Variants in ZBTB7A observed in about 807,000 individuals in gnomAD.
ZBTB7A encodes the protein zinc finger and BTB domain-containing protein 7A.
Under a neutral mutation model 26.7 loss-of-function variants are expected in ZBTB7A, and 7 were observed. That is an observed-to-expected ratio of 0.26 (90% CI 0.15 to 0.49). The LOEUF (loss-of-function observed/expected upper bound fraction) is 0.49, where lower values mean the gene tolerates loss of function less well. Ranked by LOEUF, ZBTB7A falls within the 20% of genes least tolerant of loss-of-function variation. The pLI is 0.98. For missense variants in ZBTB7A, 617 were observed against 919.5 expected (o/e 0.67, Z 4.25); for synonymous variants, 452 against 441.0 (o/e 1.02, Z -0.31).
rs564659401 is a variant in ZBTB7A, at chr19:4,045,415, G to C, written c.*2337C>G. 6.6e-6 allele frequency: 1 copy of C among 151,814 alleles called. No homozygotes were observed. Among genetic ancestry groups the C allele is most frequent in the African/African-American group, 2.4e-5 (1 of 41,260 alleles). 9.4% of individuals were successfully genotyped at this position (151,814 alleles called of 1,614,324 possible). A position where few individuals can be genotyped will look rare whatever the true frequency, so the allele number is the denominator to read the frequency against. On this transcript the variant is annotated 3_prime_UTR_variant, in exon 3 of 3. Transcript: ENST00000322357. This position sits in a 1 kb window ranked among gnomAD's most constrained non-coding sequence, Gnocchi z 4.1. ...GTGACACTGGGGTGTGAACGCAGCC[G>C]GGGTGCTGTCACCCAGCCCCAGGGG...
chr19:4,059,595 C>T (rs1013050276), intron 1 of ZBTB7A, among the ~76,000 whole-genome samples: 14 of 152,182 alleles, frequency 9.2e-5, no homozygotes, highest in African/African-American at 3.4e-4. Context: ...CCCGGCAGGG[C>T]TGACTCCCAG....
chr19:4,043,491 ACT>A lies in ZBTB7A; in HGVS notation c.*4259_*4260del, dbSNP rs2040370763. 6.8e-6 allele frequency among the ~76,000 whole-genome samples: 1 copy of A among 148,032 alleles called. No individual in the cohort carries two copies. The highest frequency in any genetic ancestry group is 1.5e-5 in the Non-Finnish European group (1 of 67,326). On this transcript the variant is annotated 3_prime_UTR_variant, in exon 3 of 3. Transcript: ENST00000322357. ...TTTAAATCTCCCACACTTTATAAAG[ACT>A]CTCAATACAGTCTCTGGAATGTCTA...
At chr19:4,066,198 C>CT (rs934206145) in intron 1 of ZBTB7A, among the ~76,000 whole-genome samples, 3 of 125,726 alleles carry the variant, frequency 2.4e-5, no homozygotes, top group Non-Finnish European at 3.4e-5. Flanking sequence ...TTTCAGCCCC[C>CT]TCCCCCCCAT....
rs1471559937 is a variant in ZBTB7A at position 4,043,361 on chromosome 19, A to AT, written c.*4390dup. Among the ~76,000 whole-genome samples, 1 of 150,254 alleles carries AT rather than the reference A, an allele frequency of 6.7e-6. No individual in the cohort carries two copies. Among genetic ancestry groups the AT allele is most frequent in the Non-Finnish European group, 1.5e-5 (1 of 67,566 alleles). ...TTTTTTTTATGTACAAGAAAAATGA[A>AT]TTTTTTTGTTTTTTCATCTTTTGTG... On this transcript the variant is annotated 3_prime_UTR_variant, in exon 3 of 3. Coordinates refer to ENST00000322357, the MANE Select transcript of ZBTB7A (RefSeq NM_015898.4).
In ZBTB7A at chr19:4,044,224, C is replaced by A. The variant is rs1382129666; in HGVS notation, c.*3528G>T. On this transcript the variant is annotated 3_prime_UTR_variant, in exon 3 of 3. Coordinates refer to ENST00000322357, the MANE Select transcript of ZBTB7A (RefSeq NM_015898.4). ...TCGGAAGGAAGCAAAAAGACAGTGA[C>A]AGGACTGCATGGCCACAATGGTGGG... The A allele has an allele frequency of 6.6e-6, 1 of 152,136 alleles. No individual in the cohort carries two copies. The highest frequency in any genetic ancestry group is 2.4e-5 in the African/African-American group (1 of 41,404). The allele number at this position is 152,136 out of a possible 1,614,324, so 9.4% of individuals were successfully genotyped here. A position where few individuals can be genotyped will look rare whatever the true frequency, so the allele number is the denominator to read the frequency against.
At chr19:4,051,695 G>A (rs887694471) in intron 2 of ZBTB7A, among the ~76,000 whole-genome samples, 7 of 152,246 alleles carry the variant, frequency 4.6e-5, no homozygotes, top group Non-Finnish European at 1.0e-4. Flanking sequence ...CAAGGTCTCC[G>A]GGCTGCCTTG....
intron 1 of ZBTB7A, chr19:4,065,599 A>C (rs1169450095): frequency 1.4e-5 from 2 of 143,668 alleles, no homozygotes; most frequent in African/African-American, 2.5e-5. Context: ...AGGGCGATGC[A>C]AATTACCCCG....
rs1418956009 is a variant in ZBTB7A at position 4,048,275 on chromosome 19, A to G, written c.1263-31T>C. ...GACGGGGCACGGGGCGGGCACGGTC[A>G]GTGGGGCCGGGGACCCCCGATCCCC... On this transcript the variant is annotated intron_variant, in intron 2 of 2. Coordinates refer to ENST00000322357, the MANE Select transcript of ZBTB7A (RefSeq NM_015898.4). The surrounding 1 kb of genome is among the most constrained non-coding windows in gnomAD (Gnocchi z 6.7). 1 of 1,542,724 alleles carries G rather than the reference A, an allele frequency of 6.5e-7. No individual in the cohort carries two copies. The highest frequency in any genetic ancestry group is 8.7e-7 in the Non-Finnish European group (1 of 1,153,686).
chr19:4,051,243 G>A (rs1213691080), intron 2 of ZBTB7A, among the ~76,000 whole-genome samples: 1 of 151,930 alleles, frequency 6.6e-6, no homozygotes, highest in Non-Finnish European at 1.5e-5. Context: ...GCTAGAACCT[G>A]ACCTACTCCT....
chr19:4,065,172 T>G (rs1232400197), intron 1 of ZBTB7A, among the ~76,000 whole-genome samples: 2 of 149,284 alleles, frequency 1.3e-5, no homozygotes, highest in Admixed American at 6.6e-5. Flanking sequence ...GGAGGGGGGG[T>G]CCGGGCCAGA....
intron 2 of ZBTB7A, among the ~76,000 whole-genome samples, chr19:4,050,609 G>A (rs901390121): frequency 3.9e-5 from 6 of 152,152 alleles, no homozygotes; most frequent in East Asian, 1.9e-4. Context: ...ACTGATGTGC[G>A]CTGGAAGTGC....
Position 4,054,412 on chromosome 19 carries a change from C to T in ZBTB7A, c.821G>A (p.Arg274His). ...CGAGGCGGCCTCCTCCTCTCCGCCGCGGCCGTAGTGGCCGTTCTGCGTGGC... is the reference window on the plus strand; with the variant it reads ...CGAGGCGGCCTCCTCCTCTCCGCCGTGGCCGTAGTGGCCGTTCTGCGTGGC... The part of the protein sequence containing the change: ...PAATQNGHYG[R>H]GGEEEAASLS... Residue 274 changes from arginine (R) to histidine (H), a missense_variant, in exon 2 of 3, where the codon CGC becomes CAC. Arg to His is a conservative substitution (Grantham distance 29). Transcript: ENST00000322357. 1 of 1,379,794 alleles carries T rather than the reference C, an allele frequency of 7.2e-7. No homozygotes were observed. Among genetic ancestry groups the T allele is most frequent in the South Asian group, 1.6e-5 (1 of 62,746 alleles). The allele number at this position is 1,379,794 out of a possible 1,614,324, so 85.5% of individuals were successfully genotyped here. A position where few individuals can be genotyped will look rare whatever the true frequency, so the allele number is the denominator to read the frequency against.
chr19:4,043,870 G>C lies in ZBTB7A; in HGVS notation c.*3882C>G, dbSNP rs1295813872. 7.7e-5 allele frequency among the ~76,000 whole-genome samples: 11 copies of C among 142,892 alleles called. No individual in the cohort carries two copies. The highest frequency in any genetic ancestry group is 2.9e-4 in the Admixed American group (4 of 13,834). 93.7% of individuals were successfully genotyped at this position (142,892 alleles called of 152,430 possible). On this transcript the variant is annotated 3_prime_UTR_variant, in exon 3 of 3. Transcript: ENST00000322357. ...CCCCCCCCCCCCCACCTCCAGGAAG[G>C]CTGCTTCAACTTAAATAACTTTTTA...
At position 4,045,762 on chromosome 19, in the gene ZBTB7A, G is replaced by C. The variant is rs1048281884; in HGVS notation, c.*1990C>G. 2.5e-6 allele frequency: 1 copy of C among 397,488 alleles called. No homozygotes were observed. The highest frequency in any genetic ancestry group is 2.1e-5 in the African/African-American group (1 of 48,618). The allele number at this position is 397,488 out of a possible 1,614,324, so 24.6% of individuals were successfully genotyped here. Reference sequence around the variant, plus strand: ...GGGCGTCCTGGCATCTGGCGACATAGTCTCCCCAACCCCGGCCCCTGTCCG... The same window carrying C: ...GGGCGTCCTGGCATCTGGCGACATACTCTCCCCAACCCCGGCCCCTGTCCG... On this transcript the variant is annotated 3_prime_UTR_variant, in exon 3 of 3. Coordinates refer to ENST00000322357, the MANE Select transcript of ZBTB7A (RefSeq NM_015898.4). The surrounding 1 kb of genome is among the most constrained non-coding windows in gnomAD (Gnocchi z 4.1).
intron 1 of ZBTB7A, among the ~76,000 whole-genome samples, chr19:4,062,939 C>T (rs1385612343): frequency 6.6e-6 from 1 of 152,020 alleles, no homozygotes; most frequent in Non-Finnish European, 1.5e-5. Context: ...CTGAGGCTGG[C>T]AGAGGGGGAG....
intron 1 of ZBTB7A, 170 bp from the exon 2 acceptor site, chr19:4,055,417 C>T: frequency 1.0e-6 from 1 of 985,454 alleles, no homozygotes; most frequent in South Asian, 4.7e-5. Context: ...CCAGCCCCAG[C>T]TTCCCCAGCT....
chr19:4,055,651 T>A, intron 1 of ZBTB7A: 1 of 196,648 alleles, frequency 5.1e-6, no homozygotes, highest in Non-Finnish European at 9.2e-6. Flanking sequence ...TGAAACCCCG[T>A]CTCTACTAAA....
At position 4,049,593 on chromosome 19, in the gene ZBTB7A, T is replaced by G. The variant is rs1219521223; in HGVS notation, c.1263-1349A>C. ...GGTGACAGATAGGGTGACCAACTGT[T>G]CTGGTTTTAGCACTGAAAGTCCTGC... On this transcript the variant is annotated intron_variant, in intron 2 of 2. Coordinates refer to ENST00000322357, the MANE Select transcript of ZBTB7A (RefSeq NM_015898.4). Among the ~76,000 whole-genome samples, 3 of 152,022 alleles carry G rather than the reference T, an allele frequency of 2.0e-5. No homozygotes were observed. In the South Asian group the frequency reaches 6.2e-4, roughly 31 times the overall value.
chr19:4,054,467 GA>G lies in ZBTB7A; in HGVS notation c.765del (p.Leu256SerfsTer68), dbSNP rs1421704785. ...GGCGGGGCCACCGGCGGCGGAAAGA[GA>G]CCCCCGGTGGGGGCGTCCTCATCCC... The part of the protein sequence containing the change: ...PERDEDAPTG[G>X]LFPPPVAPPA... On this transcript the variant is annotated frameshift_variant, in exon 2 of 3. Transcript: ENST00000322357. LOFTEE classifies it high-confidence loss of function. 1 of 1,365,064 alleles carries G rather than the reference GA, an allele frequency of 7.3e-7. No individual in the cohort carries two copies. The highest frequency in any genetic ancestry group is 1.5e-5 in the African/African-American group (1 of 64,622). The allele number at this position is 1,365,064 out of a possible 1,614,324, so 84.6% of individuals were successfully genotyped here.
Sources: allele counts gnomAD v4.1 joint callset (sites outside exome capture counted in the v4.1 genomes callset), GRCh38; gene constraint gnomAD v4.1.1; non-coding constraint Gnocchi (gnomAD v3.1); transcripts MANE v1.5; gene names NCBI Gene and HGNC (gene_info 2026-07-23, HGNC 2026-07-21).